Variants in PLCG2 observed in about 807,000 individuals in gnomAD.
PLCG2 encodes the protein 1-phosphatidylinositol 4,5-bisphosphate phosphodiesterase gamma-2.
Under a neutral mutation model 175.6 loss-of-function variants are expected in PLCG2, and 69 were observed. The ratio of observed to expected loss-of-function variants is 0.39; its 90% CI spans 0.32 to 0.48. The LOEUF (loss-of-function observed/expected upper bound fraction) is 0.48. Among genes scored for constraint, PLCG2 ranks in the 20% least tolerant of loss-of-function variants. PLCG2 has a pLI of 0.91. For missense variants in PLCG2, 1,798 were observed against 1,650.9 expected (o/e 1.09, Z -1.54); for synonymous variants, 827 against 624.0 (o/e 1.33, Z -4.85).
At chr16:81,933,724 C>T (rs1182186665) in intron 25 of PLCG2, among the ~76,000 whole-genome samples, 1 of 152,142 alleles carries the variant, frequency 6.6e-6, no homozygotes, top group East Asian at 1.9e-4. Flanking sequence ...GCTAAGCACC[C>T]CCCAAACAGT....
At chr16:81,957,520 G>A (rs1322685581) in intron 32 of PLCG2, among the ~76,000 whole-genome samples, 2 of 152,244 alleles carry the variant, frequency 1.3e-5, no homozygotes, top group Non-Finnish European at 2.9e-5. Flanking sequence ...TAGTCCAGCG[G>A]CTCTAGACTG....
intron 2 of PLCG2, among the ~76,000 whole-genome samples, chr16:81,767,209 A>G (rs1027761235): frequency 2.5e-4 from 35 of 138,334 alleles, no homozygotes; most frequent in Middle Eastern, 9.2e-3. Context: ...CAGTGGTGCA[A>G]TCTCGGCTCA....
chr16:81,866,553 A>G (rs1907246284), intron 5 of PLCG2, among the ~76,000 whole-genome samples: 1 of 79,086 alleles, frequency 1.3e-5, no homozygotes, highest in Admixed American at 1.4e-4. Flanking sequence ...CTGGGGCACC[A>G]GCATGAGAGG....
chr16:81,802,250 T>C (rs1388509235), intron 2 of PLCG2, among the ~76,000 whole-genome samples: 17 of 151,770 alleles, frequency 1.1e-4, no homozygotes, highest in Admixed American at 1.0e-3. Context: ...GTAGTTGGGA[T>C]TACAGGCGCC....
Position 81,958,007 on chromosome 16 carries a change from G to A in PLCG2, c.*9G>A. On this transcript the variant is annotated 3_prime_UTR_variant, in exon 33 of 33. Transcript: ENST00000564138. The stretch of plus-strand genomic sequence containing the variant: ...GCAAGTTTTACTCATAGAAGCTGGG[G>A]TATGTGTGTAAGGGTATTGTGTGTG... 2.5e-6 allele frequency: 4 copies of A among 1,602,582 alleles called. No homozygotes were observed. Among genetic ancestry groups the A allele is most frequent in the Non-Finnish European group, 3.4e-6 (4 of 1,169,512 alleles).
At chr16:81,926,877 C>T (rs1319334520) in intron 22 of PLCG2, among the ~76,000 whole-genome samples, 1 of 152,130 alleles carries the variant, frequency 6.6e-6, no homozygotes, top group Admixed American at 6.5e-5. Context: ...TAAAATCAGC[C>T]CCCAGTAACT....
chr16:81,829,203 G>C (rs1375190968), intron 2 of PLCG2, among the ~76,000 whole-genome samples: 1 of 152,128 alleles, frequency 6.6e-6, no homozygotes, highest in Non-Finnish European at 1.5e-5. Context: ...CTGTCTTCCG[G>C]GTTCAAGCGA....
chr16:81,957,679 C>A (rs536813410), intron 32 of PLCG2, among the ~76,000 whole-genome samples: 52 of 152,244 alleles, frequency 3.4e-4, no homozygotes, highest in African/African-American at 1.1e-3. Context: ...TAGCCACCAA[C>A]GAGAAACTGT....
intron 19 of PLCG2, among the ~76,000 whole-genome samples, chr16:81,914,457 C>T (rs1439242856): frequency 8.5e-5 from 13 of 152,118 alleles, no homozygotes; most frequent in East Asian, 7.7e-4. Context: ...AATGGGACCG[C>T]GTGAATGAAG....
At chr16:81,915,323 A>G (rs1909796799) in intron 19 of PLCG2, among the ~76,000 whole-genome samples, 1 of 152,130 alleles carries the variant, frequency 6.6e-6, no homozygotes, top group South Asian at 2.1e-4. Flanking sequence ...TGTGTAATGA[A>G]CTTCTGGATA....
intron 30 of PLCG2, among the ~76,000 whole-genome samples, chr16:81,941,723 A>AGTCT (rs1415133283): frequency 6.7e-6 from 1 of 148,204 alleles, no homozygotes; most frequent in African/African-American, 2.5e-5. Flanking sequence ...TTTGAGATGG[A>AGTCT]GTCTTGCTCT....
intron 2 of PLCG2, among the ~76,000 whole-genome samples, chr16:81,853,187 C>T (rs1003053048): frequency 3.3e-5 from 5 of 151,998 alleles, no homozygotes; most frequent in African/African-American, 7.3e-5. Flanking sequence ...AAAAACTAGC[C>T]GGGCATGGTG....
chr16:81,836,853 G>A (rs1905543686), intron 2 of PLCG2, among the ~76,000 whole-genome samples: 1 of 152,224 alleles, frequency 6.6e-6, no homozygotes, highest in South Asian at 2.1e-4. Flanking sequence ...ACCTGTGGAA[G>A]GAAGACAGTC....
In PLCG2 at chr16:81,852,711, GACA is replaced by G. The variant is rs573929834; in HGVS notation, c.194-1728_194-1726del. Among the ~76,000 whole-genome samples, 11 of 152,312 alleles carry G rather than the reference GACA, an allele frequency of 7.2e-5. No homozygotes were observed. In the South Asian group the frequency reaches 2.3e-3, roughly 32 times the overall value. The stretch of plus-strand genomic sequence containing the variant: ...ACTATCCCAGTGTTTAGTGGCTTAA[GACA>G]ACAATCATTTTATTTATTGCACATA... On this transcript the variant is annotated intron_variant, in intron 2 of 32. Coordinates refer to ENST00000564138, the MANE Select transcript of PLCG2 (RefSeq NM_002661.5).
At chr16:81,762,130 T>C (rs1910054363) in intron 2 of PLCG2, among the ~76,000 whole-genome samples, 1 of 151,798 alleles carries the variant, frequency 6.6e-6, no homozygotes, top group South Asian at 2.1e-4. Context: ...CCACCACGCA[T>C]GGCCCCTGAA....
At chr16:81,871,420 C>G (rs1256102068) in intron 7 of PLCG2, among the ~76,000 whole-genome samples, 1 of 152,138 alleles carries the variant, frequency 6.6e-6, no homozygotes, top group Non-Finnish European at 1.5e-5. Flanking sequence ...TTCACTGCAA[C>G]CTTTGCCTCC....
chr16:81,912,640 C>A lies in PLCG2; in HGVS notation c.1978C>A (p.Leu660Met). The A allele has an allele frequency of 6.2e-7, 1 of 1,613,344 alleles. No individual in the cohort carries two copies. The highest frequency in any genetic ancestry group is 8.5e-7 in the Non-Finnish European group (1 of 1,179,850). Residue 660 changes from leucine (L) to methionine (M), a missense_variant, in exon 19 of 33, where the codon CTG becomes ATG. By Grantham distance (15) the Leu-to-Met change is conservative. Coordinates refer to ENST00000564138, the MANE Select transcript of PLCG2 (RefSeq NM_002661.5). ...SLSRGEAEDMLMRIPRDGAFL... is the reference protein window; with the variant it reads ...SLSRGEAEDMMMRIPRDGAFL... ...GAGCCGCGGAGAGGCAGAGGACATG[C>A]TGATGAGGATTCCCCGGGACGGGGC...
intron 2 of PLCG2, among the ~76,000 whole-genome samples, chr16:81,803,357 A>G (rs1459937794): frequency 1.3e-5 from 2 of 151,820 alleles, no homozygotes; most frequent in African/African-American, 2.4e-5. Context: ...CTTTAGCCTA[A>G]CATAAGGTTC....
At chr16:81,857,577 C>A (rs1470698790) in intron 3 of PLCG2, among the ~76,000 whole-genome samples, 1 of 152,118 alleles carries the variant, frequency 6.6e-6, no homozygotes, top group Non-Finnish European at 1.5e-5. Flanking sequence ...TGCCTTCTTG[C>A]CATGTGCTCA....
Sources: gnomAD v4.1 joint callset for allele counts (sites outside exome capture counted in the v4.1 genomes callset) on GRCh38, gnomAD v4.1.1 for gene constraint, MANE v1.5 for transcripts, NCBI Gene and HGNC (gene_info 2026-07-23, HGNC 2026-07-21) for gene names.